Variants in SORCS2 observed in about 807,000 individuals in gnomAD.
The protein encoded by SORCS2 is VPS10 domain-containing receptor SorCS2.
A neutral mutation model predicts 141.6 loss-of-function variants in SORCS2; 100 were observed. The observed-to-expected ratio is 0.71, with a 90% CI of 0.60 to 0.83. The LOEUF is 0.83. Ranked by LOEUF, SORCS2 falls within the 40% of genes least tolerant of loss-of-function variation. The pLI is 0.00. For missense variants in SORCS2, 1,646 were observed against 1,560.2 expected, an observed-to-expected ratio of 1.05 and a Z score of -0.93; for synonymous variants, 789 against 676.9, an observed-to-expected ratio of 1.17 and a Z score of -2.57.
At chr4:7,543,948 CCAT>C (rs1713017990) in intron 3 of SORCS2, among the ~76,000 whole-genome samples, 13 of 142,260 alleles carry the variant, frequency 9.1e-5, no homozygotes, top group African/African-American at 3.4e-4. Flanking sequence ...ACCCATCCAT[CCAT>C]CCATCCATCC....
At chr4:7,380,667 G>T (rs1315224426) in intron 1 of SORCS2, among the ~76,000 whole-genome samples, 1 of 152,264 alleles carries the variant, frequency 6.6e-6, no homozygotes, top group Non-Finnish European at 1.5e-5. Flanking sequence ...TCAGGGCGGG[G>T]CGTAGGCCTC....
intron 2 of SORCS2, among the ~76,000 whole-genome samples, chr4:7,412,043 C>T (rs1300951017): frequency 6.6e-6 from 1 of 152,242 alleles, no homozygotes; most frequent in Non-Finnish European, 1.5e-5. Flanking sequence ...AGCCATCCTT[C>T]TGTAATCCTA....
At chr4:7,561,854 C>CCCAT (rs1008752959) in intron 3 of SORCS2, among the ~76,000 whole-genome samples, 7 of 152,196 alleles carry the variant, frequency 4.6e-5, no homozygotes, top group Admixed American at 3.9e-4. Context: ...CATCCATCTA[C>CCCAT]CCATCCATCA....
intron 3 of SORCS2, among the ~76,000 whole-genome samples, chr4:7,556,316 G>A (rs897313499): frequency 1.3e-5 from 2 of 152,146 alleles, no homozygotes; most frequent in African/African-American, 4.8e-5. Context: ...GATTTTAAAG[G>A]TGCCTCGAGG....
chr4:7,693,672 A>C (rs1341056716), intron 11 of SORCS2, among the ~76,000 whole-genome samples: 2 of 152,224 alleles, frequency 1.3e-5, no homozygotes, highest in Non-Finnish European at 2.9e-5. Context: ...TTTAGCCAAG[A>C]AAAGCTTGAG....
intron 2 of SORCS2, among the ~76,000 whole-genome samples, chr4:7,463,173 C>G (rs748604581): frequency 1.3e-5 from 2 of 152,166 alleles, no homozygotes; most frequent in Non-Finnish European, 2.9e-5. Flanking sequence ...AAGCCTGGTG[C>G]TGACCACTCT....
rs545451299 is a variant in SORCS2, at chr4:7,287,612, T to G, written c.480+94486T>G. On this transcript the variant is annotated intron_variant, in intron 1 of 26. Coordinates refer to ENST00000507866, the MANE Select transcript of SORCS2 (RefSeq NM_020777.3). ...GCCGCCCTCGGGAGAGAAAGTCTAA[T>G]TTTACAAGTTTAGAGTTCAGCCAGT... Among the ~76,000 whole-genome samples the G allele has an allele frequency of 2.6e-5, 4 of 152,362 alleles. No homozygotes were observed. In the East Asian group the frequency reaches 7.7e-4, roughly 29 times the overall value.
At chr4:7,284,954 C>T (rs977697667) in intron 1 of SORCS2, among the ~76,000 whole-genome samples, 2 of 151,978 alleles carry the variant, frequency 1.3e-5, no homozygotes, top group East Asian at 3.9e-4. Context: ...GGGCTTCTTT[C>T]TTGTGTGTCT....
chr4:7,665,589 A>G (rs532029098), intron 7 of SORCS2, among the ~76,000 whole-genome samples: 27 of 151,950 alleles, frequency 1.8e-4, no homozygotes, highest in South Asian at 1.5e-3. Flanking sequence ...GCCTCCTCTG[A>G]AGACCCCCAG....
chr4:7,245,081 G>A (rs1712988895), intron 1 of SORCS2, among the ~76,000 whole-genome samples: 2 of 152,152 alleles, frequency 1.3e-5, no homozygotes, highest in Non-Finnish European at 2.9e-5. Context: ...CCTGTCTCCT[G>A]GCAAACCAAT....
In SORCS2 at chr4:7,638,379, A is replaced by G. The variant is rs1487804121; in HGVS notation, c.700A>G (p.Ser234Gly). Residue 234 changes from serine to glycine, a missense_variant, in exon 4 of 27, where the codon AGC becomes GGC. Ser to Gly is a moderately conservative substitution (Grantham distance 56). Transcript: ENST00000507866. ...TGACCGGGACCAGAGCCTATTCCTC[A>G]GCGCAGACGAAGGCGCCACCTTTCA... ...LSDRDQSLFLSADEGATFQKQ... is the reference protein window; with the variant it reads ...LSDRDQSLFLGADEGATFQKQ... 6.4e-7 allele frequency: 1 copy of G among 1,562,032 alleles called. No homozygotes were observed. The highest frequency in any genetic ancestry group is 1.4e-5 in the African/African-American group (1 of 72,266).
chr4:7,267,511 G>A (rs1714826500), intron 1 of SORCS2, among the ~76,000 whole-genome samples: 1 of 152,124 alleles, frequency 6.6e-6, no homozygotes, highest in Admixed American at 6.5e-5. Context: ...CTGGATACAT[G>A]GAGGAAAGAT....
At chr4:7,525,911 T>TCACCTGTCCCCTCCTCA (rs1335212807) in intron 2 of SORCS2, among the ~76,000 whole-genome samples, 1 of 75,508 alleles carries the variant, frequency 1.3e-5, no homozygotes. Flanking sequence ...CCTCCTGCAG[T>TCACCTGTCCCCTCCTCA]CACCTGTCCC....
intron 9 of SORCS2, among the ~76,000 whole-genome samples, chr4:7,676,926 C>T: frequency 6.5e-5 from 4 of 61,382 alleles, no homozygotes; most frequent in African/African-American, 1.1e-4. Flanking sequence ...CTCTCTCCCT[C>T]TCTCCCTCTC....
At chr4:7,673,834 C>G (rs1402659863) in intron 8 of SORCS2, among the ~76,000 whole-genome samples, 1 of 152,154 alleles carries the variant, frequency 6.6e-6, no homozygotes, top group African/African-American at 2.4e-5. Context: ...TCAAAGCACC[C>G]ATAATCTCAG....
intron 1 of SORCS2, among the ~76,000 whole-genome samples, chr4:7,235,792 C>T (rs1370415566): frequency 2.6e-5 from 4 of 152,192 alleles, no homozygotes; most frequent in Non-Finnish European, 5.9e-5. Flanking sequence ...CAGGCGAGTG[C>T]TGGTTCCGTT....
chr4:7,525,848 TG>T (rs371956318), intron 2 of SORCS2, among the ~76,000 whole-genome samples: 15 of 19,254 alleles, frequency 7.8e-4, no homozygotes, highest in Admixed American at 2.0e-3. Context: ...TGGGCCCTCC[TG>T]CAGTCACCTG....
rs138213512 is a variant in SORCS2, at chr4:7,327,767, C to A, written c.481-68521C>A. Among the ~76,000 whole-genome samples, 587 of 152,298 alleles carry A rather than the reference C, an allele frequency of 3.9e-3. 1 individual carries two copies. The highest frequency in any genetic ancestry group is 0.013 in the African/African-American group (561 of 41,558). On this transcript the variant is annotated intron_variant, in intron 1 of 26. Transcript: ENST00000507866. ...TGGCTTCCCCAAGAAGCCTCTTTTCCCTTCCTGAGTGCATGAGGGCTTGGC... is the reference window on the plus strand; with the variant it reads ...TGGCTTCCCCAAGAAGCCTCTTTTCACTTCCTGAGTGCATGAGGGCTTGGC...
At chr4:7,698,422 T>A (rs1038076888) in intron 12 of SORCS2, among the ~76,000 whole-genome samples, 1 of 152,182 alleles carries the variant, frequency 6.6e-6, no homozygotes, top group Admixed American at 6.5e-5. Flanking sequence ...GCAAGAAACA[T>A]AGAACTTTCA....
Sources: gnomAD v4.1 joint callset for allele counts (sites outside exome capture counted in the v4.1 genomes callset) on GRCh38, gnomAD v4.1.1 for gene constraint, MANE v1.5 for transcripts, NCBI Gene and HGNC (gene_info 2026-07-23, HGNC 2026-07-21) for gene names.